FBXL7: variants seen among roughly 807,000 people sequenced by gnomAD.
FBXL7 encodes the protein F-box and leucine rich repeat protein 7.
Under a neutral mutation model 38.3 loss-of-function variants are expected in FBXL7, and 12 were observed. The observed-to-expected ratio is 0.31, with a 90% CI of 0.20 to 0.51. The LOEUF is 0.51. Ranked by LOEUF, FBXL7 falls within the 20% of genes least tolerant of loss-of-function variation. The pLI, the probability that FBXL7 is intolerant of heterozygous loss-of-function variation, is 0.98. For synonymous variants in FBXL7, 297 were observed against 300.9 expected (o/e 0.99, Z 0.13); for missense variants, 567 against 676.4 (o/e 0.84, Z 1.79).
intron 2 of FBXL7, among the ~76,000 whole-genome samples, chr5:15,810,723 TCTTTTATAATA>T: frequency 6.6e-6 from 1 of 152,322 alleles, no homozygotes; most frequent in African/African-American, 2.4e-5. Context: ...ACCATATTTT[TCTTTTATAATA>T]CTTACCAAAA....
chr5:15,780,077 G>A (rs1357553379), intron 2 of FBXL7, among the ~76,000 whole-genome samples: 1 of 152,134 alleles, frequency 6.6e-6, no homozygotes, highest in East Asian at 1.9e-4. Flanking sequence ...AAACATGGAG[G>A]GGCAAAGGAA....
chr5:15,877,946 G>T (rs1404065524), intron 2 of FBXL7, among the ~76,000 whole-genome samples: 1 of 151,968 alleles, frequency 6.6e-6, no homozygotes, highest in Non-Finnish European at 1.5e-5. Context: ...ACAGTTTCTC[G>T]CATGACCTTC....
chr5:15,799,315 A>G lies in FBXL7; in HGVS notation c.128-128575A>G, dbSNP rs542740080. Reference sequence around the variant, plus strand: ...GTCTGCATCTCATTCCCATTGGAACAGCTGTAAAAGATCTTTTAGGTGCCT... The same window carrying G: ...GTCTGCATCTCATTCCCATTGGAACGGCTGTAAAAGATCTTTTAGGTGCCT... On this transcript the variant is annotated intron_variant, in intron 2 of 3. Coordinates refer to ENST00000504595, the MANE Select transcript of FBXL7 (RefSeq NM_012304.5). Among the ~76,000 whole-genome samples the G allele has an allele frequency of 3.3e-5, 5 of 150,624 alleles. No homozygotes were observed. The South Asian group carries it at 8.4e-4, about 25-fold the overall frequency.
chr5:15,798,296 C>T (rs1737469222), intron 2 of FBXL7, among the ~76,000 whole-genome samples: 1 of 152,312 alleles, frequency 6.6e-6, no homozygotes, highest in Middle Eastern at 3.4e-3. Context: ...CTCCTCTTCC[C>T]TTTGCTCAAG....
At chr5:15,874,389 T>C (rs1394575309) in intron 2 of FBXL7, among the ~76,000 whole-genome samples, 1 of 152,126 alleles carries the variant, frequency 6.6e-6, no homozygotes, top group Non-Finnish European at 1.5e-5. Flanking sequence ...CCACTCCTAT[T>C]CAACATAGTA....
Position 15,501,433 on chromosome 5 carries a change from T to A in FBXL7, c.37+720T>A, listed in dbSNP as rs184640641. The A allele has an allele frequency of 2.8e-3, 2,807 of 985,562 alleles. 6 individuals carry two copies. The highest frequency in any genetic ancestry group is 3.7e-3 in the Middle Eastern group (7 of 1,916). The allele number at this position is 985,562 out of a possible 1,614,324, so 61.1% of individuals were successfully genotyped here. A position where few individuals can be genotyped will look rare whatever the true frequency, so the allele number is the denominator to read the frequency against. ...CCTTCTCTCTCCTACCTCCTCCCACTCTGCATAAAACCGTAGCGTTGTATC... is the reference window on the plus strand; with the variant it reads ...CCTTCTCTCTCCTACCTCCTCCCACACTGCATAAAACCGTAGCGTTGTATC... On this transcript the variant is annotated intron_variant, in intron 1 of 3. Transcript: ENST00000504595.
chr5:15,799,411 GAGTAC>G lies in FBXL7; in HGVS notation c.128-128475_128-128471del, dbSNP rs1336337657. 3.5e-5 allele frequency among the ~76,000 whole-genome samples: 4 copies of G among 114,148 alleles called. No individual in the cohort carries two copies. The East Asian group carries it at 1.1e-3, about 32-fold the overall frequency. 74.9% of individuals were successfully genotyped at this position (114,148 alleles called of 152,430 possible). Reference sequence around the variant, plus strand: ...AGTTTCACATTTGTTCCCCAGGCTTGAGTACAGTGGTGCGATGTCAGCTCACCTCA... The same window carrying G: ...AGTTTCACATTTGTTCCCCAGGCTTGAGTGGTGCGATGTCAGCTCACCTCA... On this transcript the variant is annotated intron_variant, in intron 2 of 3. Transcript: ENST00000504595.
chr5:15,739,864 A>G (rs1477798260), intron 2 of FBXL7, among the ~76,000 whole-genome samples: 1 of 152,030 alleles, frequency 6.6e-6, no homozygotes, highest in Non-Finnish European at 1.5e-5. Flanking sequence ...GTGTGCACCT[A>G]TGTTTTCATT....
chr5:15,628,882 C>T (rs1022790339), intron 2 of FBXL7, among the ~76,000 whole-genome samples: 178 of 152,250 alleles, frequency 1.2e-3, no homozygotes, highest in African/African-American at 3.8e-3. Context: ...TAAAACCACC[C>T]TTCCTTTTGG....
intron 2 of FBXL7, among the ~76,000 whole-genome samples, chr5:15,620,399 ATTTTTTG>A (rs1280228991): frequency 8.2e-5 from 11 of 133,416 alleles, no homozygotes; most frequent in East Asian, 2.7e-4. Context: ...CGCCCAGCTA[ATTTTTTG>A]TTTTTTGTTT....
chr5:15,924,138 G>A (rs954032026), intron 2 of FBXL7, among the ~76,000 whole-genome samples: 2 of 152,134 alleles, frequency 1.3e-5, no homozygotes, highest in Non-Finnish European at 2.9e-5. Flanking sequence ...CAGTTTTGAA[G>A]TCCAAAATTG....
intron 2 of FBXL7, among the ~76,000 whole-genome samples, chr5:15,678,635 G>C (rs1452791062): frequency 1.3e-5 from 2 of 152,292 alleles, no homozygotes; most frequent in East Asian, 3.9e-4. Flanking sequence ...GGAGGGACTT[G>C]GTGGGAGATA....
rs146587565 is a variant in FBXL7, at chr5:15,836,377, C to A, written c.128-91513C>A. 7.3e-3 allele frequency among the ~76,000 whole-genome samples: 1,108 copies of A among 152,064 alleles called. 9 individuals carry two copies. Among genetic ancestry groups the A allele is most frequent in the African/African-American group, 0.024 (1,013 of 41,484 alleles). ...ATAGTATTTTGAAAGGTGATGAGAG[C>A]TATACAGAACAAAAAGAAAAAGAAA... On this transcript the variant is annotated intron_variant, in intron 2 of 3. Coordinates refer to ENST00000504595, the MANE Select transcript of FBXL7 (RefSeq NM_012304.5).
At chr5:15,612,627 A>T (rs1319846916) in intron 1 of FBXL7, among the ~76,000 whole-genome samples, 3 of 152,116 alleles carry the variant, frequency 2.0e-5, no homozygotes, top group Non-Finnish European at 4.4e-5. Context: ...ATATTGTCCA[A>T]GTTTCCCCAT....
intron 2 of FBXL7, among the ~76,000 whole-genome samples, chr5:15,876,451 G>A (rs1182113596): frequency 6.6e-6 from 1 of 151,930 alleles, no homozygotes; most frequent in Non-Finnish European, 1.5e-5. Flanking sequence ...TTATTATGTT[G>A]CATTTAAAGT....
At chr5:15,806,377 T>C (rs1409804721) in intron 2 of FBXL7, among the ~76,000 whole-genome samples, 1 of 151,864 alleles carries the variant, frequency 6.6e-6, no homozygotes, top group African/African-American at 2.4e-5. Context: ...CAATTAACTT[T>C]GACAAGTGTA....
rs576380013 is a variant in FBXL7, at chr5:15,731,851, G to T, written c.127+115779G>T. On this transcript the variant is annotated intron_variant, in intron 2 of 3. Coordinates refer to ENST00000504595, the MANE Select transcript of FBXL7 (RefSeq NM_012304.5). ...GCTCTGGATTCCCTCAAAGCAACTGGCAGTTGGCTTTTCCTGGCTGGTTCC... is the reference window on the plus strand; with the variant it reads ...GCTCTGGATTCCCTCAAAGCAACTGTCAGTTGGCTTTTCCTGGCTGGTTCC... 1.1e-4 allele frequency among the ~76,000 whole-genome samples: 16 copies of T among 152,294 alleles called. No individual in the cohort carries two copies. The East Asian group carries it at 3.1e-3, about 29-fold the overall frequency.
chr5:15,844,871 C>T (rs1186461480), intron 2 of FBXL7, among the ~76,000 whole-genome samples: 2 of 152,164 alleles, frequency 1.3e-5, no homozygotes, highest in Admixed American at 1.3e-4. Context: ...ACTCCTGCAT[C>T]CTCTCCCTAA....
chr5:15,767,679 G>A (rs1027935593), intron 2 of FBXL7, among the ~76,000 whole-genome samples: 3 of 152,056 alleles, frequency 2.0e-5, no homozygotes, highest in South Asian at 2.1e-4. Context: ...CTTATTTCAC[G>A]CCTTTGCTAA....
Sources: allele counts gnomAD v4.1 joint callset (sites outside exome capture counted in the v4.1 genomes callset), GRCh38; gene constraint gnomAD v4.1.1; transcripts MANE v1.5; gene names NCBI Gene and HGNC (gene_info 2026-07-23, HGNC 2026-07-21).